COL21A1: variants seen among roughly 807,000 people sequenced by gnomAD.
The protein encoded by COL21A1 is collagen alpha-1(XXI) chain.
In COL21A1, 149 loss-of-function variants were observed where a neutral mutation model predicts 137.9. The observed-to-expected ratio is 1.08, with a 90% CI of 0.95 to 1.24. COL21A1 has a LOEUF of 1.24. Among genes scored for constraint, COL21A1 ranks in the 50% most tolerant of loss-of-function variants. The pLI is 0.00. For synonymous variants in COL21A1, 456 were observed against 391.5 expected, an observed-to-expected ratio of 1.16 and a Z score of -1.95; for missense variants, 1,167 against 1,158.4, an observed-to-expected ratio of 1.01 and a Z score of -0.11.
At chr6:56,249,769 G>C (rs749494593), upstream of COL21A1, among the ~76,000 whole-genome samples, 1 of 152,156 alleles carries the variant, frequency 6.6e-6, no homozygotes, top group African/African-American at 2.4e-5. Context: ...GTTTGCTTTG[G>C]GGTGATAAAA....
intron 3 of COL21A1, among the ~76,000 whole-genome samples, chr6:56,173,561 G>A (rs1777226173): frequency 6.6e-6 from 1 of 152,114 alleles, no homozygotes; most frequent in Non-Finnish European, 1.5e-5. Context: ...AAAGACATCA[G>A]AGATGTCTAT....
At chr6:56,062,467 C>A (rs954872655) in intron 24 of COL21A1, among the ~76,000 whole-genome samples, 3 of 152,096 alleles carry the variant, frequency 2.0e-5, no homozygotes, top group African/African-American at 7.2e-5. Context: ...GCTCAAAAAT[C>A]TCCTAATATT....
At position 56,071,646 on chromosome 6, in the gene COL21A1, A is replaced by G. The variant is rs557807555; in HGVS notation, c.1966-848T>C. On this transcript the variant is annotated intron_variant, in intron 20 of 29. Transcript: ENST00000244728. Reference sequence around the variant, plus strand: ...ATGGTAAGAAACATGTGAAGATCACATTAGATTTAATTAAAGCATTTAGCA... The same window carrying G: ...ATGGTAAGAAACATGTGAAGATCACGTTAGATTTAATTAAAGCATTTAGCA... Among the ~76,000 whole-genome samples the G allele has an allele frequency of 4.6e-5, 7 of 151,770 alleles. No individual in the cohort carries two copies. The South Asian group carries it at 1.5e-3, about 31-fold the overall frequency.
At chr6:56,060,650 C>T in intron 27 of COL21A1, 91 bp downstream of exon 27, 1 of 985,220 alleles carries the variant, frequency 1.0e-6, no homozygotes, top group East Asian at 2.7e-5. Context: ...TTCTTCTTCA[C>T]CTCACTTATA....
At chr6:56,293,088 C>T (rs1410072665) in intron 1 of COL21A1, among the ~76,000 whole-genome samples, 1 of 152,106 alleles carries the variant, frequency 6.6e-6, no homozygotes, top group Non-Finnish European at 1.5e-5. Flanking sequence ...TTAAAATACA[C>T]TAAGATTGAG....
At chr6:56,282,706 T>G (rs1763810952) in intron 1 of COL21A1, among the ~76,000 whole-genome samples, 1 of 152,150 alleles carries the variant, frequency 6.6e-6, no homozygotes, top group Non-Finnish European at 1.5e-5. Context: ...ATAGAAAAGC[T>G]TCCCAAGAAA....
At chr6:56,343,427 T>C (rs534922332) in intron 1 of COL21A1, among the ~76,000 whole-genome samples, 2 of 152,278 alleles carry the variant, frequency 1.3e-5, no homozygotes, top group Admixed American at 6.5e-5. Flanking sequence ...TTTTAAAAAA[T>C]TGCATGCTTC....
At chr6:56,154,032 T>G (rs1214337908) in intron 10 of COL21A1, among the ~76,000 whole-genome samples, 1 of 152,172 alleles carries the variant, frequency 6.6e-6, no homozygotes, top group Non-Finnish European at 1.5e-5. Context: ...CTTGCCCCCT[T>G]GAAAATTCAC....
chr6:56,115,304 A>G (rs79470655), intron 16 of COL21A1, among the ~76,000 whole-genome samples: 1 of 102,736 alleles, frequency 9.7e-6, no homozygotes, highest in African/African-American at 3.8e-5. Context: ...TAATAAAGAA[A>G]AAAAAAAAAA....
At chr6:56,329,277 G>GCA (rs1562059357) in intron 1 of COL21A1, among the ~76,000 whole-genome samples, 1 of 151,926 alleles carries the variant, frequency 6.6e-6, no homozygotes, top group Non-Finnish European at 1.5e-5. Flanking sequence ...ACACACAGAT[G>GCA]CACACACACT....
chr6:56,148,484 C>G (rs890947951), intron 10 of COL21A1, among the ~76,000 whole-genome samples: 1 of 152,064 alleles, frequency 6.6e-6, no homozygotes, highest in Non-Finnish European at 1.5e-5. Flanking sequence ...AGTAAGCCAT[C>G]TCTTGTAATT....
intron 17 of COL21A1, among the ~76,000 whole-genome samples, chr6:56,082,324 A>AAAAC (rs767299564): frequency 6.9e-6 from 1 of 145,418 alleles, no homozygotes; most frequent in Non-Finnish European, 1.5e-5. Context: ...TGGATGTGTT[A>AAAAC]AAACAAACAA....
chr6:56,304,014 G>A (rs970021674), intron 1 of COL21A1, among the ~76,000 whole-genome samples: 18 of 152,178 alleles, frequency 1.2e-4, no homozygotes, highest in African/African-American at 4.1e-4. Context: ...CGTTGGTTCT[G>A]TTTATATGCT....
intron 20 of COL21A1, among the ~76,000 whole-genome samples, chr6:56,071,146 T>A (rs1358624784): frequency 1.3e-5 from 2 of 151,538 alleles, no homozygotes; most frequent in African/African-American, 4.8e-5. Context: ...CGGGCTGAGA[T>A]CCTCATCATT....
chr6:56,130,165 T>TATA (rs1773409432), intron 12 of COL21A1, among the ~76,000 whole-genome samples: 1 of 107,942 alleles, frequency 9.3e-6, no homozygotes, highest in African/African-American at 3.6e-5. Flanking sequence ...TGACAGGGTT[T>TATA]TATATATATA....
At position 56,164,470 on chromosome 6, in the gene COL21A1, C is replaced by T. The variant is rs9475580; in HGVS notation, c.1324G>A (p.Ala442Thr). 744 of 1,590,336 alleles carry T rather than the reference C, an allele frequency of 4.7e-4. 5 individuals are homozygous for T. The African/African-American group carries it at 9.2e-3, about 20-fold the overall frequency. Residue 442 changes from alanine to threonine, a missense_variant, in exon 9 of 30, where the codon GCT becomes ACT. Coordinates refer to ENST00000244728, the MANE Select transcript of COL21A1 (RefSeq NM_030820.4). Reference sequence around the variant, plus strand: ...TTTCCCGGAGGACAAATACAGGGAGCTGGAGTTGAACCTACATCACTGGGA... The same window carrying T: ...TTTCCCGGAGGACAAATACAGGGAGTTGGAGTTGAACCTACATCACTGGGA... ...NGPSDVGSTP[A>T]PCICPPGKPG... is the part of the protein sequence containing the mutation.
Position 56,060,141 on chromosome 6 carries a change from T to C in COL21A1, c.2485A>G (p.Ile829Val). The C allele has an allele frequency of 6.2e-7, 1 of 1,611,456 alleles. No homozygotes were observed. The highest frequency in any genetic ancestry group is 8.5e-7 in the Non-Finnish European group (1 of 1,179,170). The change falls in exon 28 of 30, where the codon ATT (isoleucine) becomes GTT (valine). Residue 829 changes from isoleucine to valine, a missense_variant. Physicochemically the swap from Ile to Val is conservative, Grantham distance 29. Transcript: ENST00000244728. The stretch of plus-strand genomic sequence containing the variant: ...CCTATCGGACCAGGTGGCCCAGGAA[T>C]ACCCGGGGAGCCATGTTGGGACAGG... ...HCLSQHGSPG[I>V]PGPPGPIGPE...
At chr6:56,148,561 C>A (rs1201522971) in intron 10 of COL21A1, among the ~76,000 whole-genome samples, 1 of 152,142 alleles carries the variant, frequency 6.6e-6, no homozygotes, top group Non-Finnish European at 1.5e-5. Context: ...TTTTCCAATT[C>A]TTTAATCTTC....
chr6:56,246,817 T>C (rs1349276509), intron 1 of COL21A1, among the ~76,000 whole-genome samples: 1 of 152,212 alleles, frequency 6.6e-6, no homozygotes, highest in Non-Finnish European at 1.5e-5. Flanking sequence ...CTTTCTATAT[T>C]CGACTGCACT....
Sources: gnomAD v4.1 joint callset for allele counts (sites outside exome capture counted in the v4.1 genomes callset) on GRCh38, gnomAD v4.1.1 for gene constraint, MANE v1.5 for transcripts, NCBI Gene and HGNC (gene_info 2026-07-23, HGNC 2026-07-21) for gene names.